APCDD1L: variants seen among roughly 807,000 people sequenced by gnomAD.
APCDD1L encodes APC down-regulated 1 like.
In APCDD1L, 21 loss-of-function variants were observed where a neutral mutation model predicts 24.2. The ratio of observed to expected loss-of-function variants is 0.87; its 90% confidence interval spans 0.61 to 1.25. APCDD1L has a LOEUF of 1.25. APCDD1L is among the 50% of genes most tolerant of loss of function. The pLI, the probability that APCDD1L is intolerant of heterozygous loss-of-function variation, is 0.00. For missense variants in APCDD1L, 704 were observed against 711.7 expected, an observed-to-expected ratio of 0.99 and a Z score of 0.12; for synonymous variants, 321 against 323.6, an observed-to-expected ratio of 0.99 and a Z score of 0.09.
rs80321710 is a variant in APCDD1L, at chr20:58,464,546, G to A, written c.741+2560C>T. On this transcript the variant is annotated intron_variant, in intron 3 of 3. Coordinates refer to ENST00000371149, the MANE Select transcript of APCDD1L (RefSeq NM_153360.3). ...TTGTACAGAAACCAAACTCTTACTCGTTTAAGCCTGTTACATAAAGTTATT... is the reference window on the plus strand; with the variant it reads ...TTGTACAGAAACCAAACTCTTACTCATTTAAGCCTGTTACATAAAGTTATT... Among the ~76,000 whole-genome samples, 734 of 152,278 alleles carry A rather than the reference G, an allele frequency of 4.8e-3. 7 individuals are homozygous for A. The highest frequency in any genetic ancestry group is 0.017 in the African/African-American group (694 of 41,556).
At chr20:58,491,570 A>G (rs1990226561) in intron 1 of APCDD1L, among the ~76,000 whole-genome samples, 1 of 152,220 alleles carries the variant, frequency 6.6e-6, no homozygotes, top group South Asian at 2.1e-4. Flanking sequence ...AATTATTAAA[A>G]TTTCTTGAAA....
At chr20:58,487,140 A>G (rs1338201835) in intron 1 of APCDD1L, among the ~76,000 whole-genome samples, 2 of 152,132 alleles carry the variant, frequency 1.3e-5, no homozygotes, top group Non-Finnish European at 2.9e-5. Flanking sequence ...TCTTTAAATA[A>G]AGAAATAAAA....
At chr20:58,509,291 C>A (rs1990583924) in intron 1 of APCDD1L, among the ~76,000 whole-genome samples, 1 of 152,120 alleles carries the variant, frequency 6.6e-6, no homozygotes, top group Non-Finnish European at 1.5e-5. Flanking sequence ...GGGCTTTACT[C>A]AGGGGTACTA....
intron 1 of APCDD1L, among the ~76,000 whole-genome samples, chr20:58,471,962 TG>T (rs1394840016): frequency 1.3e-5 from 2 of 152,130 alleles, no homozygotes; most frequent in Non-Finnish European, 2.9e-5. Context: ...TGGGAGGGGT[TG>T]GGGGCTGAGT....
intron 1 of APCDD1L, among the ~76,000 whole-genome samples, chr20:58,472,717 AT>A (rs1292573381): frequency 3.3e-5 from 5 of 152,256 alleles, no homozygotes; most frequent in Non-Finnish European, 5.9e-5. Flanking sequence ...ACACCGACTC[AT>A]CAGCACTTGG....
In APCDD1L at chr20:58,461,187, A is replaced by C. The variant is rs756187684; in HGVS notation, c.1109T>G (p.Met370Arg). 1.2e-5 allele frequency: 20 copies of C among 1,613,464 alleles called. 1 individual carries two copies. In the South Asian group the frequency reaches 2.2e-4, roughly 18 times the overall value. The change falls in exon 4 of 4, where the codon ATG becomes AGG. Residue 370 changes from methionine to arginine, a missense_variant. Coordinates refer to ENST00000371149, the MANE Select transcript of APCDD1L (RefSeq NM_153360.3). This position sits in a 1 kb window ranked among gnomAD's most constrained non-coding sequence, Gnocchi z 6.0. ...GCTGCTTGGCTCAGAGAAGTTGAGC[A>C]TGGCCGTGGTGACCTGGTCCATGGG... is the stretch of plus-strand genomic sequence containing the variant. ...VTPMDQVTTA[M>R]LNFSEPSSCG...
At chr20:58,479,282 C>T (rs549933856) in intron 1 of APCDD1L, among the ~76,000 whole-genome samples, 1 of 152,308 alleles carries the variant, frequency 6.6e-6, no homozygotes, top group South Asian at 2.1e-4. Flanking sequence ...GCTTTTCCCC[C>T]CCATACCAAG....
At chr20:58,491,706 T>C (rs542638605) in intron 1 of APCDD1L, among the ~76,000 whole-genome samples, 1 of 152,348 alleles carries the variant, frequency 6.6e-6, no homozygotes, top group South Asian at 2.1e-4. Context: ...ACAGGTTATC[T>C]TATTTTTTTG....
At chr20:58,476,433 C>T (rs940178909) in intron 1 of APCDD1L, among the ~76,000 whole-genome samples, 3 of 152,226 alleles carry the variant, frequency 2.0e-5, no homozygotes, top group African/African-American at 7.2e-5. Context: ...TCGTGATCCA[C>T]CCACCTTGGC....
intron 1 of APCDD1L, among the ~76,000 whole-genome samples, chr20:58,488,141 G>A (rs1162258895): frequency 1.3e-5 from 2 of 152,286 alleles, no homozygotes; most frequent in East Asian, 3.9e-4. Flanking sequence ...ATTGAGTGCT[G>A]TTCTGAGTAG....
chr20:58,512,667 A>T (rs1990649972), intron 1 of APCDD1L, among the ~76,000 whole-genome samples: 2 of 152,182 alleles, frequency 1.3e-5, no homozygotes, highest in African/African-American at 4.8e-5. Context: ...TGCCCAGCTC[A>T]GGCACCTAAA....
At chr20:58,486,853 G>GGTT in intron 1 of APCDD1L, among the ~76,000 whole-genome samples, 1 of 89,044 alleles carries the variant, frequency 1.1e-5, no homozygotes, top group Non-Finnish European at 2.2e-5. Context: ...CTGGAGGGAA[G>GGTT]GTTTTTTTTT....
chr20:58,514,657 A>T lies in APCDD1L; in HGVS notation c.49+2T>A. The T allele has an allele frequency of 7.6e-7, 1 of 1,314,004 alleles. No homozygotes were observed. Among genetic ancestry groups the T allele is most frequent in the Non-Finnish European group, 9.8e-7 (1 of 1,024,234 alleles). The allele number at this position is 1,314,004 out of a possible 1,614,324, so 81.4% of individuals were successfully genotyped here. On this transcript the variant is annotated splice_donor_variant, in intron 1 of 3. Transcript: ENST00000371149. LOFTEE classifies it high-confidence loss of function. Reference sequence around the variant, plus strand: ...TGCCGGGTGGGGGAGGGTGGCACCTACCTCCCAAAAGCACCAGGACGCAAG... The same window carrying T: ...TGCCGGGTGGGGGAGGGTGGCACCTTCCTCCCAAAAGCACCAGGACGCAAG...
At position 58,513,056 on chromosome 20, in the gene APCDD1L, G is replaced by A. The variant is rs556698562; in HGVS notation, c.49+1603C>T. On this transcript the variant is annotated intron_variant, in intron 1 of 3. Coordinates refer to ENST00000371149, the MANE Select transcript of APCDD1L (RefSeq NM_153360.3). ...TTCATTGGCATGACGGGAAGCTCCG[G>A]CCTGCCAAAGACAACAGCCATGTGC... Among the ~76,000 whole-genome samples the A allele has an allele frequency of 2.0e-5, 3 of 152,298 alleles. No homozygotes were observed. In the East Asian group the frequency reaches 5.8e-4, roughly 29 times the overall value.
At chr20:58,502,184 C>A (rs796970653) in intron 1 of APCDD1L, among the ~76,000 whole-genome samples, 60 of 152,162 alleles carry the variant, frequency 3.9e-4, no homozygotes, top group African/African-American at 1.4e-3. Flanking sequence ...CTCACTGGAA[C>A]CTGTCTCCAG....
chr20:58,508,945 TGA>T lies in APCDD1L; in HGVS notation c.49+5712_49+5713del, dbSNP rs546885348. On this transcript the variant is annotated intron_variant, in intron 1 of 3. Coordinates refer to ENST00000371149, the MANE Select transcript of APCDD1L (RefSeq NM_153360.3). The surrounding 1 kb of genome is among the most constrained non-coding windows in gnomAD (Gnocchi z 4.0). ...GTGCATGAGTGTGCGTGAGTGTGTG[TGA>T]GTGTGCATGTGTGTCTGTGTGCGCA... Among the ~76,000 whole-genome samples, 511 of 152,064 alleles carry T rather than the reference TGA, an allele frequency of 3.4e-3. 1 individual carries two copies. Among genetic ancestry groups the T allele is most frequent in the Non-Finnish European group, 5.8e-3 (392 of 67,990 alleles).
chr20:58,509,967 C>T (rs1990596771), intron 1 of APCDD1L, among the ~76,000 whole-genome samples: 1 of 152,186 alleles, frequency 6.6e-6, no homozygotes, highest in South Asian at 2.1e-4. Context: ...CTCTCCACCC[C>T]TTGGTCCCTC....
Position 58,460,657 on chromosome 20 carries a change from T to G in APCDD1L, c.*133A>C. On this transcript the variant is annotated 3_prime_UTR_variant, in exon 4 of 4. Coordinates refer to ENST00000371149, the MANE Select transcript of APCDD1L (RefSeq NM_153360.3). The surrounding 1 kb of genome is among the most constrained non-coding windows in gnomAD (Gnocchi z 4.2). ...TGAGCCACATGGGACACAGGCAGAG[T>G]TTGGAAGCAGTGGGGCTGTGCATCC... 2 of 1,169,716 alleles carry G rather than the reference T, an allele frequency of 1.7e-6. No individual in the cohort carries two copies. The highest frequency in any genetic ancestry group is 2.6e-5 in the East Asian group (1 of 38,070). The allele number at this position is 1,169,716 out of a possible 1,614,324, so 72.5% of individuals were successfully genotyped here. A position where few individuals can be genotyped will look rare whatever the true frequency, so the allele number is the denominator to read the frequency against.
Position 58,467,284 on chromosome 20 carries a change from G to A in APCDD1L, c.563C>T (p.Ala188Val). 7 of 1,554,450 alleles carry A rather than the reference G, an allele frequency of 4.5e-6. No homozygotes were observed. The highest frequency in any genetic ancestry group is 6.1e-6 in the Non-Finnish European group (7 of 1,156,974). The change falls in exon 3 of 4, where the codon GCG becomes GTG. Residue 188 changes from alanine (A) to valine (V), a missense_variant. Ala to Val is a moderately conservative substitution (Grantham distance 64). Transcript: ENST00000371149. This position sits in a 1 kb window ranked among gnomAD's most constrained non-coding sequence, Gnocchi z 5.9. ...GAGCTCGTGCATGGTGAGGCCCAGC[G>A]CCTCCAGGCAGTCCCCCTGAGCCCG... ...SARAQGDCLE[A>V]LGLTMHELSL...
Sources: allele counts gnomAD v4.1 joint callset (sites outside exome capture counted in the v4.1 genomes callset), GRCh38; gene constraint gnomAD v4.1.1; non-coding constraint Gnocchi (gnomAD v3.1); transcripts MANE v1.5; gene names NCBI Gene and HGNC (gene_info 2026-07-23, HGNC 2026-07-21).